Variants in SMCHD1 observed in about 807,000 individuals in gnomAD.
SMCHD1 encodes the protein structural maintenance of chromosomes flexible hinge domain-containing protein 1.
In SMCHD1, 78 loss-of-function variants were observed where a neutral mutation model predicts 254.7. The ratio of observed to expected loss-of-function variants is 0.31; its 90% confidence interval spans 0.26 to 0.37. SMCHD1 has a LOEUF of 0.37. SMCHD1 is among the 10% of genes least tolerant of loss of function. SMCHD1 has a pLI of 1.00. For synonymous variants in SMCHD1, 766 were observed against 794.9 expected (o/e 0.96, Z 0.61); for missense variants, 1,840 against 2,408.1 (o/e 0.76, Z 4.94).
chr18:2,757,820 T>A (rs1230293112), intron 34 of SMCHD1, among the ~76,000 whole-genome samples: 2 of 152,182 alleles, frequency 1.3e-5, no homozygotes, highest in Non-Finnish European at 2.9e-5. Flanking sequence ...TCTCTTAGTT[T>A]ACATAAGAGA....
intron 12 of SMCHD1, chr18:2,701,146 T>A: frequency 3.0e-6 from 1 of 331,818 alleles, no homozygotes; most frequent in Non-Finnish European, 5.4e-6. Context: ...AATTTACATA[T>A]CTTCATTAGT....
Position 2,750,479 on chromosome 18 carries a change from A to G in SMCHD1, c.4137A>G (p.Ala1379=), listed in dbSNP as rs2304859. ...VRLNVKYDKD[A]SFLAGGLFTD... ...TCAATGTTAAATATGACAAAGATGCATCCTTCTTAGCAGGGGGTCTTTTCA... is the reference window on the plus strand; with the variant it reads ...TCAATGTTAAATATGACAAAGATGCGTCCTTCTTAGCAGGGGGTCTTTTCA... Residue 1379 remains alanine (A), a synonymous_variant, in exon 32 of 48, where the codon GCA becomes GCG. Coordinates refer to ENST00000320876, the MANE Select transcript of SMCHD1 (RefSeq NM_015295.3). 0.31 allele frequency: 489,847 copies of G among 1,603,420 alleles called. 78,200 individuals are homozygous for G. The highest frequency in any genetic ancestry group is 0.47 in the East Asian group (21,004 of 44,616).
rs760204844 is a variant in SMCHD1 at position 2,763,697 on chromosome 18, G to A, written c.4627G>A (p.Gly1543Ser). ...LVGTIIATIKGSNEEDTDTPL... is the reference protein window; with the variant it reads ...LVGTIIATIKSSNEEDTDTPL... Reference sequence around the variant, plus strand: ...TGGCACTATAATAGCCACCATTAAAGGCTCTAATGAGGAAGATACTGATAC... The same window carrying A: ...TGGCACTATAATAGCCACCATTAAAAGCTCTAATGAGGAAGATACTGATAC... The change falls in exon 37 of 48, where the codon GGC becomes AGC. Residue 1543 changes from glycine (G) to serine (S), a missense_variant. Gly to Ser is a moderately conservative substitution (Grantham distance 56). This residue lies in a region of SMCHD1 where 881 missense variants were observed against 1,009.5 expected (regional missense o/e 0.87). Transcript: ENST00000320876. 6 of 1,607,584 alleles carry A rather than the reference G, an allele frequency of 3.7e-6. No individual in the cohort carries two copies. In the South Asian group the frequency reaches 6.6e-5, roughly 18 times the overall value.
At chr18:2,719,572 C>T (rs760223847) in intron 19 of SMCHD1, among the ~76,000 whole-genome samples, 12 of 152,078 alleles carry the variant, frequency 7.9e-5, no homozygotes, top group Non-Finnish European at 1.5e-4. Flanking sequence ...GTTGGGGTTA[C>T]AGGTGTGAGC....
intron 25 of SMCHD1, among the ~76,000 whole-genome samples, chr18:2,735,085 T>A: frequency 6.6e-6 from 1 of 151,878 alleles, no homozygotes; most frequent in Non-Finnish European, 1.5e-5. Flanking sequence ...AAAAAGTTAA[T>A]TCACCACGAA....
In SMCHD1 at chr18:2,803,949, A is replaced by G. The variant is rs150573037; in HGVS notation, c.*1397A>G. 312 of 152,254 alleles carry G rather than the reference A, an allele frequency of 2.0e-3. 1 individual carries two copies. The highest frequency in any genetic ancestry group is 7.0e-3 in the African/African-American group (290 of 41,556). 9.4% of individuals were successfully genotyped at this position (152,254 alleles called of 1,614,324 possible). On this transcript the variant is annotated 3_prime_UTR_variant, in exon 48 of 48. Transcript: ENST00000320876. ...CAAAAATCTTTCATTAGAAATTGGA[A>G]ATGCTTCAATGAGCATTTCCCTTAT...
chr18:2,709,254 A>C (rs2074612066), intron 17 of SMCHD1, among the ~76,000 whole-genome samples: 1 of 151,018 alleles, frequency 6.6e-6, no homozygotes, highest in Admixed American at 6.6e-5. Flanking sequence ...ATATATACAC[A>C]CACACATGTA....
intron 25 of SMCHD1, among the ~76,000 whole-genome samples, chr18:2,737,294 G>A (rs1219346759): frequency 2.6e-5 from 4 of 152,208 alleles, no homozygotes; most frequent in African/African-American, 9.6e-5. Context: ...TTACCTGGGT[G>A]ATGAGATAAC....
chr18:2,767,422 T>C (rs892658557), intron 37 of SMCHD1, among the ~76,000 whole-genome samples: 9 of 152,082 alleles, frequency 5.9e-5, no homozygotes, highest in Admixed American at 1.3e-4. Flanking sequence ...AGGAGAAATA[T>C]TGATTTTGCT....
chr18:2,782,169 A>G (rs972567536), intron 44 of SMCHD1, among the ~76,000 whole-genome samples: 1 of 152,210 alleles, frequency 6.6e-6, no homozygotes, highest in Non-Finnish European at 1.5e-5. Flanking sequence ...CTCTTATGAC[A>G]TTCCTTGGTA....
At chr18:2,695,725 A>ATC (rs2074272750) in intron 8 of SMCHD1, among the ~76,000 whole-genome samples, 1 of 152,180 alleles carries the variant, frequency 6.6e-6, no homozygotes, top group Non-Finnish European at 1.5e-5. Flanking sequence ...CAAAATTCAT[A>ATC]TTTTAAAAAT....
chr18:2,769,915 T>G, intron 38 of SMCHD1, 74 bp from the exon 39 acceptor site: 2 of 1,533,442 alleles, frequency 1.3e-6, no homozygotes, highest in Non-Finnish European at 1.8e-6. Flanking sequence ...TTATTAGCTA[T>G]CTAACCACTT....
chr18:2,752,755 A>G, intron 34 of SMCHD1: 1 of 472,686 alleles, frequency 2.1e-6, no homozygotes. Flanking sequence ...TGTAAATTGT[A>G]ATTGTATTTG....
intron 7 of SMCHD1, among the ~76,000 whole-genome samples, chr18:2,692,377 G>A (rs1004541022): frequency 1.1e-4 from 16 of 152,120 alleles, no homozygotes; most frequent in African/African-American, 3.6e-4. Flanking sequence ...GAGAGACCAT[G>A]TCTCTTAAAA....
At chr18:2,789,767 G>A (rs1196380738) in intron 45 of SMCHD1, among the ~76,000 whole-genome samples, 1 of 152,224 alleles carries the variant, frequency 6.6e-6, no homozygotes, top group Admixed American at 6.5e-5. Flanking sequence ...AAGTTGAGGA[G>A]CATCTGTATT....
rs377444596 is a variant in SMCHD1 at position 2,796,537 on chromosome 18, C to T, written c.5993+16C>T. 6.7e-7 allele frequency: 1 copy of T among 1,498,968 alleles called. No individual in the cohort carries two copies. The highest frequency in any genetic ancestry group is 9.2e-7 in the Non-Finnish European group (1 of 1,091,316). 92.9% of individuals were successfully genotyped at this position (1,498,968 alleles called of 1,614,324 possible). ...GACAAAATAGGTGAGTTTGTTTGAC[C>T]TGAGAATTATGCTTGGTTAGTTTAC... On this transcript the variant is annotated intron_variant, in intron 47 of 47. Coordinates refer to ENST00000320876, the MANE Select transcript of SMCHD1 (RefSeq NM_015295.3).
intron 41 of SMCHD1, 78 bp from the exon 42 acceptor site, chr18:2,775,656 A>C: frequency 7.9e-7 from 1 of 1,267,530 alleles, no homozygotes; most frequent in African/African-American, 1.6e-5. Flanking sequence ...TTTGTTACCT[A>C]GGCTTGGGCT....
In SMCHD1 at chr18:2,694,632, G is replaced by T. The variant is rs373068672; in HGVS notation, c.979G>T (p.Val327Leu). The change falls in exon 8 of 48, where the codon GTA (valine) becomes TTA (leucine). Residue 327 changes from valine to leucine, a missense_variant. Physicochemically the swap from Val to Leu is conservative, Grantham distance 32. Around this residue, in one of 9 missense-constraint regions of SMCHD1, gnomAD observed 498 missense variants for 743.5 expected, o/e 0.67. Transcript: ENST00000320876. ...CTTTACTGCTGTGGTTATCACAGGG[G>T]TACAACCAGAACACATACAGTACTT... The part of the protein sequence containing the change: ...DSFTAVVITG[V>L]QPEHIQYLKN... 3 of 1,612,620 alleles carry T rather than the reference G, an allele frequency of 1.9e-6. No homozygotes were observed. Among genetic ancestry groups the T allele is most frequent in the Admixed American group, 1.7e-5 (1 of 59,984 alleles).
intron 45 of SMCHD1, among the ~76,000 whole-genome samples, chr18:2,792,179 G>T (rs763770064): frequency 6.6e-6 from 1 of 152,082 alleles, no homozygotes; most frequent in East Asian, 1.9e-4. Flanking sequence ...GTCATGTGCC[G>T]CACAAGGCTG....
Sources: gnomAD v4.1 joint callset for allele counts (sites outside exome capture counted in the v4.1 genomes callset) on GRCh38, gnomAD v4.1.1 for gene constraint, gnomAD v4.1.1 regional missense constraint, MANE v1.5 for transcripts, NCBI Gene and HGNC (gene_info 2026-07-23, HGNC 2026-07-21) for gene names.